RAET1E: variants seen among roughly 807,000 people sequenced by gnomAD.
RAET1E encodes retinoic acid early transcript 1E.
Under a neutral mutation model 21.1 loss-of-function variants are expected in RAET1E, and 27 were observed. That is an observed-to-expected ratio of 1.28 (90% confidence interval 0.94 to 1.76). RAET1E has a LOEUF of 1.76. RAET1E is among the 40% of genes most tolerant of loss of function. The pLI is 0.00. For synonymous variants in RAET1E, 113 were observed against 115.0 expected (o/e 0.98, Z 0.11); for missense variants, 310 against 311.3 (o/e 1.00, Z 0.03).
chr6:149,893,347 T>C (rs562112734), intron 2 of RAET1E, among the ~76,000 whole-genome samples: 45 of 152,348 alleles, frequency 3.0e-4, no homozygotes, highest in Admixed American at 2.6e-3. Context: ...GGAATGTTTT[T>C]CCATTTGTTT....
chr6:149,895,501 C>T (rs1233578418), intron 2 of RAET1E: 8 of 152,214 alleles, frequency 5.3e-5, no homozygotes, highest in Admixed American at 5.2e-4. Flanking sequence ...ACCTTAAAAC[C>T]ATTTCCTCAA....
In RAET1E at chr6:149,888,678, A is replaced by G; in HGVS notation, c.623-11T>C. 6 of 1,555,596 alleles carry G rather than the reference A, an allele frequency of 3.9e-6. No individual in the cohort carries two copies. Among genetic ancestry groups the G allele is most frequent in the Non-Finnish European group, 5.2e-6 (6 of 1,163,484 alleles). ...CATTTACTGGTGACACTAAAAAAAA[A>G]AAAAAAAAGAAAAAAAAGCACAAGC... On this transcript the variant is annotated splice_polypyrimidine_tract_variant and intron_variant, in intron 5 of 5. Coordinates refer to ENST00000357183, the MANE Select transcript of RAET1E (RefSeq NM_001394057.1).
rs1011979642 is a variant in RAET1E at position 149,884,588 on chromosome 6, T to A, written c.*3910A>T. The A allele has an allele frequency of 1.7e-6, 2 of 1,179,466 alleles. No homozygotes were observed. Among genetic ancestry groups the A allele is most frequent in the Non-Finnish European group, 2.4e-6 (2 of 823,518 alleles). 73.1% of individuals were successfully genotyped at this position (1,179,466 alleles called of 1,614,324 possible). A position where few individuals can be genotyped will look rare whatever the true frequency, so the allele number is the denominator to read the frequency against. ...CCTCCGTGATCTCTCAGGACTCAGA[T>A]CCCACCTCTCTCTCAGGGAGAGATC... On this transcript the variant is annotated 3_prime_UTR_variant, in exon 6 of 6. Transcript: ENST00000357183.
chr6:149,887,619 A>G lies in RAET1E; in HGVS notation c.*879T>C, dbSNP rs1349016888. On this transcript the variant is annotated 3_prime_UTR_variant, in exon 6 of 6. Coordinates refer to ENST00000357183, the MANE Select transcript of RAET1E (RefSeq NM_001394057.1). ...TAGAATCATTTCTTACATCAGAAAC[A>G]TTGATCCTCAGTGAGTCAGATGGAG... Among the ~76,000 whole-genome samples the G allele has an allele frequency of 6.6e-6, 1 of 152,212 alleles. No homozygotes were observed. Among genetic ancestry groups the G allele is most frequent in the African/African-American group, 2.4e-5 (1 of 41,452 alleles).
chr6:149,896,954 T>C (rs1051544390), intron 1 of RAET1E, among the ~76,000 whole-genome samples: 2 of 152,200 alleles, frequency 1.3e-5, no homozygotes, highest in East Asian at 1.9e-4. Context: ...TGGGAAGGAA[T>C]AGCCATTTTC....
intron 2 of RAET1E, among the ~76,000 whole-genome samples, chr6:149,894,360 T>C (rs1448931870): frequency 6.6e-6 from 1 of 152,234 alleles, no homozygotes; most frequent in Non-Finnish European, 1.5e-5. Flanking sequence ...GATAATAACC[T>C]GAAGAGTGTT....
chr6:149,897,795 G>C (rs1018967538), intron 1 of RAET1E, among the ~76,000 whole-genome samples: 2 of 152,122 alleles, frequency 1.3e-5, no homozygotes, highest in Non-Finnish European at 2.9e-5. Context: ...GGATCCCTGA[G>C]TGCTTGGTGT....
At chr6:149,890,400 T>C (rs754870960) in intron 3 of RAET1E, among the ~76,000 whole-genome samples, 5 of 152,156 alleles carry the variant, frequency 3.3e-5, no homozygotes, top group Non-Finnish European at 7.3e-5. Flanking sequence ...ATGTCACAAG[T>C]ACTTTTAGCA....
Position 149,886,796 on chromosome 6 carries a change from G to C in RAET1E, c.*1702C>G, listed in dbSNP as rs1447653951. Among the ~76,000 whole-genome samples the C allele has an allele frequency of 2.0e-5, 3 of 152,166 alleles. No individual in the cohort carries two copies. Among genetic ancestry groups the C allele is most frequent in the African/African-American group, 7.2e-5 (3 of 41,434 alleles). On this transcript the variant is annotated 3_prime_UTR_variant, in exon 6 of 6. Coordinates refer to ENST00000357183, the MANE Select transcript of RAET1E (RefSeq NM_001394057.1). ...CCCCTTTGCTCTGTCATTTAGCTTT[G>C]ATCAGCTTTTTCTCTCTTCTGTCAC...
In RAET1E at chr6:149,888,415, C is replaced by A; in HGVS notation, c.*83G>T. ...GTGGGGGCTCAAGACTAAGGCAGTG[C>A]ACCATTTCTGTGGAGAGAGATGGAT... is the stretch of plus-strand genomic sequence containing the variant. On this transcript the variant is annotated 3_prime_UTR_variant, in exon 6 of 6. Transcript: ENST00000357183. 1 of 1,522,150 alleles carries A rather than the reference C, an allele frequency of 6.6e-7. No individual in the cohort carries two copies. 94.3% of individuals were successfully genotyped at this position (1,522,150 alleles called of 1,614,324 possible). A position where few individuals can be genotyped will look rare whatever the true frequency, so the allele number is the denominator to read the frequency against.
At position 149,890,895 on chromosome 6, in the gene RAET1E, T is replaced by C; in HGVS notation, c.7A>G (p.Arg3Gly). 1 of 1,610,688 alleles carries C rather than the reference T, an allele frequency of 6.2e-7. No individual in the cohort carries two copies. The highest frequency in any genetic ancestry group is 8.5e-7 in the Non-Finnish European group (1 of 1,177,142). Reference protein sequence around the residue: MRRISLTSSPVRL... With the variant: MRGISLTSSPVRL... ...ACAGGGCTAGAAGTCAGGGATATTC[T>C]TCGCATACTGTGGAGAGTAACAGGC... Residue 3 changes from arginine to glycine, a missense_variant, in exon 3 of 6, where the codon AGA (arginine) becomes GGA (glycine). By Grantham distance (125) the Arg-to-Gly change is moderately radical. Coordinates refer to ENST00000357183, the MANE Select transcript of RAET1E (RefSeq NM_001394057.1).
intron 2 of RAET1E, among the ~76,000 whole-genome samples, chr6:149,892,574 T>C (rs1477806442): frequency 6.6e-6 from 1 of 152,236 alleles, no homozygotes; most frequent in Non-Finnish European, 1.5e-5. Flanking sequence ...CTAGTAAATT[T>C]GTTTAAGTTC....
At position 149,885,839 on chromosome 6, in the gene RAET1E, T is replaced by C. The variant is rs2115483841; in HGVS notation, c.*2659A>G. On this transcript the variant is annotated 3_prime_UTR_variant, in exon 6 of 6. Coordinates refer to ENST00000357183, the MANE Select transcript of RAET1E (RefSeq NM_001394057.1). ...TCTACTATATAGCAGCCATGATAGATTCTCAGGTTACAAAAGTAATGTCCT... is the reference window on the plus strand; with the variant it reads ...TCTACTATATAGCAGCCATGATAGACTCTCAGGTTACAAAAGTAATGTCCT... Among the ~76,000 whole-genome samples the C allele has an allele frequency of 6.6e-6, 1 of 152,328 alleles. No individual in the cohort carries two copies. The highest frequency in any genetic ancestry group is 2.1e-4 in the South Asian group (1 of 4,826).
At position 149,885,649 on chromosome 6, in the gene RAET1E, T is replaced by C. The variant is rs995816656; in HGVS notation, c.*2849A>G. On this transcript the variant is annotated 3_prime_UTR_variant, in exon 6 of 6. Coordinates refer to ENST00000357183, the MANE Select transcript of RAET1E (RefSeq NM_001394057.1). ...GAGCTGAAGATAGTCACTGACATGA[T>C]TCAAAGGATTAGCACTTGGTACAGG... 3 of 152,334 alleles carry C rather than the reference T, an allele frequency of 2.0e-5. No individual in the cohort carries two copies. The highest frequency in any genetic ancestry group is 7.2e-5 in the African/African-American group (3 of 41,422). The allele number at this position is 152,334 out of a possible 1,614,324, so 9.4% of individuals were successfully genotyped here.
chr6:149,886,772 C>A lies in RAET1E; in HGVS notation c.*1726G>T, dbSNP rs1777628408. 6.6e-6 allele frequency among the ~76,000 whole-genome samples: 1 copy of A among 152,202 alleles called. No homozygotes were observed. Among genetic ancestry groups the A allele is most frequent in the African/African-American group, 2.4e-5 (1 of 41,440 alleles). ...ATTTGAAAAGACACTCCCTGTCAACCCCTTTGCTCTGTCATTTAGCTTTGA... is the reference window on the plus strand; with the variant it reads ...ATTTGAAAAGACACTCCCTGTCAACACCTTTGCTCTGTCATTTAGCTTTGA... On this transcript the variant is annotated 3_prime_UTR_variant, in exon 6 of 6. Transcript: ENST00000357183.
chr6:149,888,652 G>T lies in RAET1E; in HGVS notation c.638C>A (p.Ala213Asp). 2 of 1,556,152 alleles carry T rather than the reference G, an allele frequency of 1.3e-6. No individual in the cohort carries two copies. Among genetic ancestry groups the T allele is most frequent in the Non-Finnish European group, 1.7e-6 (2 of 1,164,104 alleles). ...MPEPTVSPVNASDIHWSSSSL... is the reference protein window; with the variant it reads ...MPEPTVSPVNDSDIHWSSSSL... ...AGAAGAAGACCAGTGGATATCTGAA[G>T]CATTTACTGGTGACACTAAAAAAAA... Residue 213 changes from alanine to aspartate, a missense_variant, in exon 6 of 6, where the codon GCT becomes GAT. Coordinates refer to ENST00000357183, the MANE Select transcript of RAET1E (RefSeq NM_001394057.1).
In RAET1E at chr6:149,886,986, C is replaced by G. The variant is rs936107579; in HGVS notation, c.*1512G>C. Among the ~76,000 whole-genome samples, 14 of 152,154 alleles carry G rather than the reference C, an allele frequency of 9.2e-5. No individual in the cohort carries two copies. The highest frequency in any genetic ancestry group is 1.9e-4 in the African/African-American group (8 of 41,446). ...AAGGGTGGCAGATATATTTTTTTCC[C>G]CTTGAATTGTAATACACCTTTCCCC... On this transcript the variant is annotated 3_prime_UTR_variant, in exon 6 of 6. Coordinates refer to ENST00000357183, the MANE Select transcript of RAET1E (RefSeq NM_001394057.1).
At chr6:149,897,816 G>A (rs1386598725) in intron 1 of RAET1E, among the ~76,000 whole-genome samples, 3 of 151,958 alleles carry the variant, frequency 2.0e-5, no homozygotes, top group African/African-American at 7.3e-5. Context: ...GGAGGCAGAG[G>A]ACCCGCAGAG....
chr6:149,889,283 C>A, intron 5 of RAET1E, 65 bp downstream of exon 5: 1 of 1,588,258 alleles, frequency 6.3e-7, no homozygotes, highest in Non-Finnish European at 8.6e-7. Context: ...CACACTGACA[C>A]CCACACAGGG....
Sources: allele counts gnomAD v4.1 joint callset (sites outside exome capture counted in the v4.1 genomes callset), GRCh38; gene constraint gnomAD v4.1.1; transcripts MANE v1.5; gene names NCBI Gene and HGNC (gene_info 2026-07-23, HGNC 2026-07-21).